CHST9: variants seen among roughly 807,000 people sequenced by gnomAD.
CHST9 encodes GalNAc-4-sulfotransferase 2.
CHST9 carries 41 observed loss-of-function variants against 44.4 expected under a neutral mutation model. That is an observed-to-expected ratio of 0.92 (90% confidence interval 0.72 to 1.20). CHST9 has a LOEUF of 1.20. Ranked by LOEUF, CHST9 falls within the 50% of genes most tolerant of loss-of-function variation. CHST9 has a pLI of 0.00. For synonymous variants in CHST9, 171 were observed against 178.4 expected (o/e 0.96, Z 0.33); for missense variants, 504 against 516.5 (o/e 0.98, Z 0.23).
intron 1 of CHST9, among the ~76,000 whole-genome samples, chr18:27,163,618 G>A (rs1005448776): frequency 1.3e-5 from 2 of 152,222 alleles, no homozygotes; most frequent in African/African-American, 4.8e-5. Flanking sequence ...CAAGCCAGGT[G>A]CAGGATATAA....
intron 2 of CHST9, among the ~76,000 whole-genome samples, chr18:27,136,526 C>T (rs370738640): frequency 3.0e-4 from 45 of 152,266 alleles, no homozygotes; most frequent in East Asian, 1.7e-3. Flanking sequence ...TAGAATGAGG[C>T]GGCTTGAATC....
chr18:27,056,905 A>G (rs1433250444), intron 2 of CHST9, among the ~76,000 whole-genome samples: 1 of 152,094 alleles, frequency 6.6e-6, no homozygotes. Flanking sequence ...TCATGTCCTA[A>G]CTCTTTTCAA....
intron 2 of CHST9, among the ~76,000 whole-genome samples, chr18:27,107,096 T>A (rs145044143): frequency 2.0e-5 from 3 of 151,794 alleles, no homozygotes; most frequent in Non-Finnish European, 4.4e-5. Context: ...CCAGAGAAGG[T>A]GAGGGCCCTG....
chr18:27,036,862 G>A (rs1468137922), intron 3 of CHST9, among the ~76,000 whole-genome samples: 5 of 152,276 alleles, frequency 3.3e-5, no homozygotes, highest in African/African-American at 1.2e-4. Context: ...TGAACTGTAG[G>A]TATGATGCTG....
intron 3 of CHST9, among the ~76,000 whole-genome samples, chr18:27,045,438 A>C (rs1275775359): frequency 6.6e-6 from 1 of 152,024 alleles, no homozygotes; most frequent in Non-Finnish European, 1.5e-5. Flanking sequence ...GATGAGATAA[A>C]GGTACTTCAA....
intron 2 of CHST9, among the ~76,000 whole-genome samples, chr18:27,066,299 C>T (rs987836188): frequency 1.3e-5 from 2 of 152,178 alleles, no homozygotes; most frequent in Admixed American, 6.5e-5. Context: ...TGGCCAGTTG[C>T]TGTCCTCTCT....
At chr18:27,053,130 GGAAGAA>G (rs200427246) in intron 2 of CHST9, among the ~76,000 whole-genome samples, 4,227 of 70,952 alleles carry the variant, frequency 0.06, 140 homozygotes, top group African/African-American at 0.096. Flanking sequence ...AGGAAGAAGA[GGAAGAA>G]GAAGAAGAAG....
At chr18:26,939,121 T>G (rs1568100502) in intron 5 of CHST9, among the ~76,000 whole-genome samples, 2 of 152,160 alleles carry the variant, frequency 1.3e-5, no homozygotes, top group East Asian at 3.9e-4. Flanking sequence ...AAAATCATGT[T>G]GGGATATAAA....
Position 27,163,642 on chromosome 18 carries a change from C to T in CHST9, c.-96-20737G>A, listed in dbSNP as rs761158193. The stretch of plus-strand genomic sequence containing the variant: ...TGCAGGATATAATCTCCTGCTGTGA[C>T]GTTTGCTAAGACCACTGGAAAAGCG... On this transcript the variant is annotated intron_variant, in intron 1 of 5. Transcript: ENST00000618847. Among the ~76,000 whole-genome samples, 33 of 152,182 alleles carry T rather than the reference C, an allele frequency of 2.2e-4. 1 individual carries two copies. Among genetic ancestry groups the T allele is most frequent in the Non-Finnish European group, 3.8e-4 (26 of 68,032 alleles).
chr18:27,022,776 T>C (rs2057240950), intron 4 of CHST9, among the ~76,000 whole-genome samples: 1 of 152,232 alleles, frequency 6.6e-6, no homozygotes, highest in Admixed American at 6.5e-5. Flanking sequence ...CTGTTAGATT[T>C]AACAGTGTAT....
intron 4 of CHST9, among the ~76,000 whole-genome samples, chr18:26,988,834 CAT>C (rs2145204150): frequency 6.6e-6 from 1 of 152,118 alleles, no homozygotes; most frequent in East Asian, 1.9e-4. Context: ...AGTCATGTAA[CAT>C]ATGTTTTCTG....
intron 3 of CHST9, among the ~76,000 whole-genome samples, chr18:27,042,367 A>T (rs1375239045): frequency 2.6e-5 from 4 of 152,030 alleles, no homozygotes; most frequent in Non-Finnish European, 5.9e-5. Flanking sequence ...TCAATGTTTA[A>T]AACTGAATGA....
At chr18:27,127,267 T>A (rs2058432528) in intron 2 of CHST9, among the ~76,000 whole-genome samples, 1 of 151,764 alleles carries the variant, frequency 6.6e-6, no homozygotes, top group African/African-American at 2.4e-5. Context: ...ATCTAAGGGA[T>A]GAGAAAAGGA....
intron 4 of CHST9, among the ~76,000 whole-genome samples, chr18:26,946,594 C>A (rs71370779): frequency 0.18 from 28,009 of 152,068 alleles, 2,697 homozygotes; most frequent in East Asian, 0.24. Context: ...ATAGCATGCA[C>A]AGCCTATGTC....
At chr18:27,089,173 C>T (rs1212010151) in intron 2 of CHST9, among the ~76,000 whole-genome samples, 2 of 151,852 alleles carry the variant, frequency 1.3e-5, no homozygotes, top group South Asian at 2.1e-4. Context: ...TAAGTTCTAG[C>T]GTACATGTGC....
intron 5 of CHST9, chr18:26,936,461 C>G (rs570182430): frequency 6.6e-6 from 1 of 151,886 alleles, no homozygotes; most frequent in African/African-American, 2.4e-5. Flanking sequence ...AACATGATGA[C>G]AAGTGGGCTC....
chr18:27,011,472 G>GA (rs1384827618), intron 4 of CHST9, among the ~76,000 whole-genome samples: 1 of 152,054 alleles, frequency 6.6e-6, no homozygotes, highest in African/African-American at 2.4e-5. Context: ...TCAGGCTGGG[G>GA]AAAAAAACAG....
chr18:26,915,011 T>TGG lies in CHST9; in HGVS notation c.*1246_*1247dup. 1 of 397,900 alleles carries TGG rather than the reference T, an allele frequency of 2.5e-6. No individual in the cohort carries two copies. The allele number at this position is 397,900 out of a possible 1,614,324, so 24.6% of individuals were successfully genotyped here. ...CCAAGGGATCTAATTTAGGATCCCT[T>TGG]GGAAAAAAATTCCAAAATGCATTAC... is the stretch of plus-strand genomic sequence containing the variant. On this transcript the variant is annotated 3_prime_UTR_variant, in exon 6 of 6. Coordinates refer to ENST00000618847, the MANE Select transcript of CHST9 (RefSeq NM_031422.6).
intron 5 of CHST9, chr18:26,933,877 G>A (rs1267489345): frequency 6.5e-6 from 1 of 153,350 alleles, no homozygotes; most frequent in Non-Finnish European, 1.5e-5. Context: ...GTCAGAGGGA[G>A]AGTGGGAAGG....
Sources: allele counts gnomAD v4.1 joint callset (sites outside exome capture counted in the v4.1 genomes callset), GRCh38; gene constraint gnomAD v4.1.1; transcripts MANE v1.5; gene names NCBI Gene and HGNC (gene_info 2026-07-23, HGNC 2026-07-21).